The following RSPH9 variants were observed in gnomAD, a reference collection of about 807,000 sequenced individuals.
RSPH9 encodes radial spoke head component 9.
In RSPH9, 27 loss-of-function variants were observed where a neutral mutation model predicts 27.0. That is an observed-to-expected ratio of 1.00 (90% CI 0.74 to 1.38). The LOEUF (loss-of-function observed/expected upper bound fraction) is 1.38, where lower values mean the gene tolerates loss of function less well. Among genes scored for constraint, RSPH9 ranks in the 40% most tolerant of loss-of-function variants. RSPH9 has a pLI of 0.00. For synonymous variants in RSPH9, 145 were observed against 147.7 expected (o/e 0.98, Z 0.13); for missense variants, 347 against 357.4 (o/e 0.97, Z 0.24).
rs544911469 is a variant in RSPH9 at position 43,662,857 on chromosome 6, C to T, written c.670+6134C>T. Among the ~76,000 whole-genome samples, 6 of 152,256 alleles carry T rather than the reference C, an allele frequency of 3.9e-5. No individual in the cohort carries two copies. In the South Asian group the frequency reaches 1.2e-3, roughly 32 times the overall value. ...CATCACCCAGACTGGAGTGCAGTGG[C>T]ATGATCATAACTCATTGTAACTTTG... On this transcript the variant is annotated intron_variant, in intron 4 of 4. Transcript: ENST00000372163.
At chr6:43,659,483 C>T (rs938373820) in intron 4 of RSPH9, among the ~76,000 whole-genome samples, 19 of 151,110 alleles carry the variant, frequency 1.3e-4, no homozygotes, top group Non-Finnish European at 2.5e-4. Flanking sequence ...CCCGGGTTCA[C>T]GCCATTCTCC....
Position 43,671,434 on chromosome 6 carries a change from G to A in RSPH9, c.*485G>A. ...CAGGACCCCCTGCACTTCCCAAGCAGTGAGCGCACACCCAATGGGTAAGCC... is the reference window on the plus strand; with the variant it reads ...CAGGACCCCCTGCACTTCCCAAGCAATGAGCGCACACCCAATGGGTAAGCC... On this transcript the variant is annotated 3_prime_UTR_variant, in exon 5 of 5. Coordinates refer to ENST00000372163, the MANE Select transcript of RSPH9 (RefSeq NM_152732.5). The A allele has an allele frequency of 2.3e-6, 1 of 431,966 alleles. No homozygotes were observed. The highest frequency in any genetic ancestry group is 4.2e-6 in the Non-Finnish European group (1 of 237,078). 26.8% of individuals were successfully genotyped at this position (431,966 alleles called of 1,614,324 possible).
At chr6:43,667,792 G>A (rs530942092) in intron 4 of RSPH9, among the ~76,000 whole-genome samples, 11 of 150,756 alleles carry the variant, frequency 7.3e-5, no homozygotes, top group Non-Finnish European at 1.0e-4. Context: ...TTTTTTTTTT[G>A]TATGTGACAA....
intron 1 of RSPH9, among the ~76,000 whole-genome samples, chr6:43,648,436 C>T (rs1771116233): frequency 6.6e-6 from 1 of 152,130 alleles, no homozygotes; most frequent in Non-Finnish European, 1.5e-5. Context: ...TGCCCTGAGG[C>T]AAGTGTGTGC....
intron 1 of RSPH9, among the ~76,000 whole-genome samples, chr6:43,646,946 C>G (rs1423041542): frequency 6.9e-6 from 1 of 144,890 alleles, no homozygotes; most frequent in Non-Finnish European, 1.5e-5. Context: ...CAGAGTGAGA[C>G]TCCGTCTCAA....
intron 4 of RSPH9, among the ~76,000 whole-genome samples, chr6:43,661,321 T>C (rs1772586678): frequency 6.6e-6 from 1 of 152,190 alleles, no homozygotes; most frequent in Non-Finnish European, 1.5e-5. Flanking sequence ...CAGCCTGTTC[T>C]TTGAAGCTTT....
At chr6:43,656,873 G>T in intron 4 of RSPH9, 150 bp downstream of exon 4, 1 of 817,288 alleles carries the variant, frequency 1.2e-6, no homozygotes, top group Non-Finnish European at 2.1e-6. Context: ...GCTTCCCCAG[G>T]GCCCAGCTTA....
chr6:43,660,786 A>G (rs1049966930), intron 4 of RSPH9, among the ~76,000 whole-genome samples: 2 of 152,188 alleles, frequency 1.3e-5, no homozygotes, highest in Non-Finnish European at 2.9e-5. Flanking sequence ...TCTTAATGTC[A>G]TCTAAAATGA....
chr6:43,654,232 A>G (rs1771781036), intron 2 of RSPH9, among the ~76,000 whole-genome samples: 1 of 152,128 alleles, frequency 6.6e-6, no homozygotes, highest in Non-Finnish European at 1.5e-5. Context: ...CTTCCACAAA[A>G]TCTCTATGAA....
chr6:43,671,612 T>C lies in RSPH9; in HGVS notation c.*663T>C. 2 of 882,210 alleles carry C rather than the reference T, an allele frequency of 2.3e-6. No individual in the cohort carries two copies. Among genetic ancestry groups the C allele is most frequent in the Non-Finnish European group, 3.5e-6 (2 of 567,756 alleles). 54.6% of individuals were successfully genotyped at this position (882,210 alleles called of 1,614,324 possible). A position where few individuals can be genotyped will look rare whatever the true frequency, so the allele number is the denominator to read the frequency against. ...CTGTGCAGGCCAAGGGTACTGAAGT[T>C]AGTCCCACTGTCCCCTGTCCATGCA... On this transcript the variant is annotated 3_prime_UTR_variant, in exon 5 of 5. Transcript: ENST00000372163.
chr6:43,645,427 A>T, intron 1 of RSPH9, 102 bp downstream of exon 1: 3 of 1,006,576 alleles, frequency 3.0e-6, no homozygotes, highest in Non-Finnish European at 4.4e-6. Context: ...CCATGGGGCC[A>T]AGGGAGGTGT....
rs775163066 is a variant in RSPH9, at chr6:43,670,927, T to C, written c.809T>C (p.Met270Thr). The C allele has an allele frequency of 3.7e-6, 6 of 1,614,210 alleles. No homozygotes were observed. Among genetic ancestry groups the C allele is most frequent in the Admixed American group, 1.7e-5 (1 of 60,028 alleles). ...YVYVGTGEKN[M>T]DLPFML ...TACGTGGGCACTGGCGAGAAGAACA[T>C]GGACTTGCCCTTCATGCTATAGAAT... The change falls in exon 5 of 5, where the codon ATG becomes ACG. Residue 270 changes from methionine (M) to threonine (T), a missense_variant. Coordinates refer to ENST00000372163, the MANE Select transcript of RSPH9 (RefSeq NM_152732.5).
chr6:43,655,399 A>G (rs1208950389), intron 2 of RSPH9, among the ~76,000 whole-genome samples, 163 bp from the exon 3 acceptor site: 1 of 152,230 alleles, frequency 6.6e-6, no homozygotes, highest in Non-Finnish European at 1.5e-5. Flanking sequence ...AAGGAAGAAA[A>G]TCTTGATAGG....
chr6:43,665,820 TTTC>T (rs1332366325), intron 4 of RSPH9, among the ~76,000 whole-genome samples: 20 of 151,944 alleles, frequency 1.3e-4, no homozygotes, highest in South Asian at 4.2e-4. Flanking sequence ...TCTTTCTTTC[TTTC>T]TTTTTTTTTT....
Position 43,672,003 on chromosome 6 carries a change from GGCAA to G in RSPH9, c.*1059_*1062del, listed in dbSNP as rs1773731718. 1 of 1,362,844 alleles carries G rather than the reference GGCAA, an allele frequency of 7.3e-7. No individual in the cohort carries two copies. The allele number at this position is 1,362,844 out of a possible 1,614,324, so 84.4% of individuals were successfully genotyped here. ...ACCTCCTCAGGCCAGGCCACGGTTGGGCAAGCAAATCCTTTCACCAGTTTCCCTT... is the reference window on the plus strand; with the variant it reads ...ACCTCCTCAGGCCAGGCCACGGTTGGGCAAATCCTTTCACCAGTTTCCCTT... On this transcript the variant is annotated 3_prime_UTR_variant, in exon 5 of 5. Transcript: ENST00000372163.
At position 43,670,824 on chromosome 6, in the gene RSPH9, C is replaced by T; in HGVS notation, c.706C>T (p.Leu236=). The T allele has an allele frequency of 6.2e-7, 1 of 1,614,182 alleles. No individual in the cohort carries two copies. The highest frequency in any genetic ancestry group is 8.5e-7 in the Non-Finnish European group (1 of 1,180,042). Residue 236 remains leucine, a synonymous_variant, in exon 5 of 5, where the codon CTG becomes TTG. Transcript: ENST00000372163. ...CATCCAGATGGAGAGGGGCAATGCCCTGGTGGTGCTGCGCAGCCTGCTCTG... is the reference window on the plus strand; with the variant it reads ...CATCCAGATGGAGAGGGGCAATGCCTTGGTGGTGCTGCGCAGCCTGCTCTG... The part of the protein sequence containing the change: ...WSIQMERGNA[L]VVLRSLLWPG...
At chr6:43,667,788 TTTTG>T (rs898889869) in intron 4 of RSPH9, among the ~76,000 whole-genome samples, 3 of 152,196 alleles carry the variant, frequency 2.0e-5, no homozygotes, top group African/African-American at 7.2e-5. Flanking sequence ...GCCATTTTTT[TTTTG>T]TATGTGACAA....
intron 3 of RSPH9, 150 bp from the exon 4 acceptor site, chr6:43,656,427 G>A: frequency 1.1e-6 from 1 of 921,040 alleles, no homozygotes. Flanking sequence ...TTTGGACTGA[G>A]GGAATGCTAA....
At chr6:43,670,092 A>G (rs1773558058) in intron 4 of RSPH9, among the ~76,000 whole-genome samples, 1 of 152,156 alleles carries the variant, frequency 6.6e-6, no homozygotes, top group South Asian at 2.1e-4. Flanking sequence ...GTGGCAAACC[A>G]CACTAGAACT....
Sources: gnomAD v4.1 joint callset for allele counts (sites outside exome capture counted in the v4.1 genomes callset) on GRCh38, gnomAD v4.1.1 for gene constraint, MANE v1.5 for transcripts, NCBI Gene and HGNC (gene_info 2026-07-23, HGNC 2026-07-21) for gene names.